Variants in SIX4 observed in about 807,000 individuals in gnomAD.
The protein encoded by SIX4 is homeobox protein SIX4.
Under a neutral mutation model 51.5 loss-of-function variants are expected in SIX4, and 23 were observed. The observed-to-expected ratio is 0.45, with a 90% CI of 0.32 to 0.63. The LOEUF (loss-of-function observed/expected upper bound fraction) is 0.63, where lower values mean the gene tolerates loss of function less well. Among genes scored for constraint, SIX4 ranks in the 30% least tolerant of loss-of-function variants. The pLI is 0.04. For synonymous variants in SIX4, 413 were observed against 417.3 expected (o/e 0.99, Z 0.13); for missense variants, 867 against 984.0 (o/e 0.88, Z 1.59).
chr14:60,718,704 T>C (rs1239609597), intron 2 of SIX4, among the ~76,000 whole-genome samples: 1 of 152,200 alleles, frequency 6.6e-6, no homozygotes, highest in East Asian at 1.9e-4. Flanking sequence ...CCATTTTGCC[T>C]AAAGAAATGC....
chr14:60,709,575 AG>A lies in SIX4; in HGVS notation c.*3831del, dbSNP rs1462506276. The A allele has an allele frequency of 1.3e-5, 2 of 152,686 alleles. No homozygotes were observed. The highest frequency in any genetic ancestry group is 4.8e-5 in the African/African-American group (2 of 41,474). 9.5% of individuals were successfully genotyped at this position (152,686 alleles called of 1,614,324 possible). A position where few individuals can be genotyped will look rare whatever the true frequency, so the allele number is the denominator to read the frequency against. On this transcript the variant is annotated 3_prime_UTR_variant, in exon 3 of 3. Transcript: ENST00000216513. This position sits in a 1 kb window ranked among gnomAD's most constrained non-coding sequence, Gnocchi z 4.1. ...ATAAAGTTTATTTAGCATAGTGTTT[AG>A]AAAAATAAGTTCACATCATTTCAGA...
Position 60,719,894 on chromosome 14 carries a change from A to G in SIX4, c.1415T>C (p.Phe472Ser). ...CTGGTTAATTTGCACTGGTGTAGTA[A>G]AAGTCACTACAGACCCTCCATCTTG... ...ASQDGGSVVT[F>S]TTPVQINQYG... The change falls in exon 2 of 3, where the codon TTT becomes TCT. Residue 472 changes from phenylalanine to serine, a missense_variant. By Grantham distance (155) the Phe-to-Ser change is radical. Coordinates refer to ENST00000216513, the MANE Select transcript of SIX4 (RefSeq NM_017420.5). The surrounding 1 kb of genome is among the most constrained non-coding windows in gnomAD (Gnocchi z 4.9). 6.2e-7 allele frequency: 1 copy of G among 1,614,190 alleles called. No individual in the cohort carries two copies. Among genetic ancestry groups the G allele is most frequent in the Non-Finnish European group, 8.5e-7 (1 of 1,180,028 alleles).
At position 60,713,804 on chromosome 14, in the gene SIX4, T is replaced by A; in HGVS notation, c.1949A>T (p.Lys650Ile). ...SQPMSAPVAS[K>I]STVTSVSNTN... ...GTTGCTGACAGATGTCACAGTAGAT[T>A]TGCTTGCCACCGGTGCAGACATTGG... The change falls in exon 3 of 3, where the codon AAA (lysine) becomes ATA (isoleucine). Residue 650 changes from lysine to isoleucine, a missense_variant. Coordinates refer to ENST00000216513, the MANE Select transcript of SIX4 (RefSeq NM_017420.5). 1 of 1,614,174 alleles carries A rather than the reference T, an allele frequency of 6.2e-7. No homozygotes were observed. The highest frequency in any genetic ancestry group is 1.1e-5 in the South Asian group (1 of 91,068).
chr14:60,723,171 G>T (rs200338620), intron 1 of SIX4, 41 bp downstream of exon 1: 11 of 1,540,832 alleles, frequency 7.1e-6, no homozygotes, highest in Non-Finnish European at 8.7e-6. Context: ...GGAAGGGGGT[G>T]GGGGAGAGGA....
Position 60,719,861 on chromosome 14 carries a change from A to G in SIX4, c.1448T>C (p.Ile483Thr), listed in dbSNP as rs145386126. Residue 483 changes from isoleucine (I) to threonine (T), a missense_variant, in exon 2 of 3, where the codon ATT (isoleucine) becomes ACT (threonine). Ile to Thr is a moderately conservative substitution (Grantham distance 89, BLOSUM62 -1). Transcript: ENST00000216513. This position sits in a 1 kb window ranked among gnomAD's most constrained non-coding sequence, Gnocchi z 4.9. The stretch of plus-strand genomic sequence containing the variant: ...TGCTCCGGAATTGGGGATCTGGACA[A>G]TGCCATACTGGTTAATTTGCACTGG... ...TTPVQINQYG[I>T]VQIPNSGANS... The G allele has an allele frequency of 1.2e-6, 2 of 1,614,208 alleles. No individual in the cohort carries two copies. Among genetic ancestry groups the G allele is most frequent in the Non-Finnish European group, 1.7e-6 (2 of 1,180,036 alleles).
rs1321659296 is a variant in SIX4 at position 60,722,396 on chromosome 14, A to G, written c.863+816T>C. Among the ~76,000 whole-genome samples, 18 of 151,978 alleles carry G rather than the reference A, an allele frequency of 1.2e-4. No individual in the cohort carries two copies. Among genetic ancestry groups the G allele is most frequent in the Admixed American group, 1.2e-3 (18 of 15,268 alleles). On this transcript the variant is annotated intron_variant, in intron 1 of 2. Transcript: ENST00000216513. The surrounding 1 kb of genome is among the most constrained non-coding windows in gnomAD (Gnocchi z 5.9). ...CCGTAAGCCGGCCTGCCCCCCACCC[A>G]TAACTACCGTACCAGGAGGGAGCCA...
chr14:60,724,212 G>C lies in SIX4; in HGVS notation c.-138C>G. On this transcript the variant is annotated 5_prime_UTR_variant, in exon 1 of 3. Coordinates refer to ENST00000216513, the MANE Select transcript of SIX4 (RefSeq NM_017420.5). ...AGCCCACTCCCTCCCTCCTGGTTTC[G>C]GCTGTATCTGGCCGATCAGGTTTCC... 3.2e-6 allele frequency: 5 copies of C among 1,552,562 alleles called. No homozygotes were observed. The South Asian group carries it at 3.5e-5, about 11-fold the overall frequency.
chr14:60,721,267 A>T (rs1398286958), intron 1 of SIX4: 1 of 574,688 alleles, frequency 1.7e-6, no homozygotes, highest in African/African-American at 2.0e-5. Context: ...GACTTGGGAG[A>T]AATACCAAAT....
chr14:60,723,991 C>T lies in SIX4; in HGVS notation c.84G>A (p.Gly28=), dbSNP rs1433303891. The change falls in exon 1 of 3, where the codon GGG becomes GGA. Residue 28 remains glycine, a synonymous_variant. Transcript: ENST00000216513. The part of the protein sequence containing the change: ...QENGMESASE[G]QEAHREVAGG... ...CCGCCACTTCTCGGTGCGCCTCCTG[C>T]CCTTCCGAGGCGCTTTCCATCCCAT... is the stretch of plus-strand genomic sequence containing the variant. The T allele has an allele frequency of 6.6e-7, 1 of 1,517,466 alleles. No individual in the cohort carries two copies. Among genetic ancestry groups the T allele is most frequent in the Non-Finnish European group, 8.8e-7 (1 of 1,136,350 alleles). The allele number at this position is 1,517,466 out of a possible 1,614,324, so 94.0% of individuals were successfully genotyped here. A position where few individuals can be genotyped will look rare whatever the true frequency, so the allele number is the denominator to read the frequency against.
intron 1 of SIX4, among the ~76,000 whole-genome samples, chr14:60,721,616 TG>T (rs1206409673): frequency 4.9e-5 from 1 of 20,584 alleles, no homozygotes; most frequent in Non-Finnish European, 9.6e-5. Flanking sequence ...GGCGGCGGGG[TG>T]GGTGTGGAGT....
Position 60,713,990 on chromosome 14 carries a change from G to A in SIX4, c.1763C>T (p.Ala588Val), listed in dbSNP as rs1895871804. ...AGAAGACAGGTTTGCATTTACTTGTGCATTCTGATTGACAGGCATCAACTG... is the reference window on the plus strand; with the variant it reads ...AGAAGACAGGTTTGCATTTACTTGTACATTCTGATTGACAGGCATCAACTG... ...FSQLMPVNQNAQVNANLSSEN... is the reference protein window; with the variant it reads ...FSQLMPVNQNVQVNANLSSEN... Residue 588 changes from alanine to valine, a missense_variant, in exon 3 of 3, where the codon GCA becomes GTA. Ala to Val is a moderately conservative substitution (Grantham distance 64). Coordinates refer to ENST00000216513, the MANE Select transcript of SIX4 (RefSeq NM_017420.5). 6.2e-7 allele frequency: 1 copy of A among 1,613,972 alleles called. No homozygotes were observed. Among genetic ancestry groups the A allele is most frequent in the Non-Finnish European group, 8.5e-7 (1 of 1,180,014 alleles).
Position 60,711,935 on chromosome 14 carries a change from T to TA in SIX4, c.*1471dup, listed in dbSNP as rs1209537099. On this transcript the variant is annotated 3_prime_UTR_variant, in exon 3 of 3. Transcript: ENST00000216513. Reference sequence around the variant, plus strand: ...CACTACATAAATTTATTTGCATTGTTACATCTTGTGTTCAGAGTCTTGATA... The same window carrying TA: ...CACTACATAAATTTATTTGCATTGTTAACATCTTGTGTTCAGAGTCTTGATA... The TA allele has an allele frequency of 6.5e-6, 1 of 152,684 alleles. No individual in the cohort carries two copies. The highest frequency in any genetic ancestry group is 2.4e-5 in the African/African-American group (1 of 41,476). 9.5% of individuals were successfully genotyped at this position (152,684 alleles called of 1,614,324 possible). A position where few individuals can be genotyped will look rare whatever the true frequency, so the allele number is the denominator to read the frequency against.
rs1895943650 is a variant in SIX4, at chr14:60,717,785, T to C, written c.1549+1975A>G. The stretch of plus-strand genomic sequence containing the variant: ...CTGTAATCCCAGCACTTTGGGAGGC[T>C]GAGGTGAGCAGATCACAGGAGTTCA... On this transcript the variant is annotated intron_variant, in intron 2 of 2. Transcript: ENST00000216513. This position sits in a 1 kb window ranked among gnomAD's most constrained non-coding sequence, Gnocchi z 4.6. Among the ~76,000 whole-genome samples, 1 of 152,014 alleles carries C rather than the reference T, an allele frequency of 6.6e-6. No homozygotes were observed.
At chr14:60,718,016 TA>T in intron 2 of SIX4, 1 of 181,494 alleles carries the variant, frequency 5.5e-6, no homozygotes, top group Non-Finnish European at 1.1e-5. Flanking sequence ...CGCCTAAAAA[TA>T]ATAATAATAA....
chr14:60,718,486 T>G (rs1460066179), intron 2 of SIX4, among the ~76,000 whole-genome samples: 1 of 152,238 alleles, frequency 6.6e-6, no homozygotes, highest in Non-Finnish European at 1.5e-5. Flanking sequence ...TGCTCAAATT[T>G]GTTGCCTTTA....
rs371795454 is a variant in SIX4 at position 60,711,800 on chromosome 14, G to C, written c.*1607C>G. The C allele has an allele frequency of 8.4e-6, 1 of 118,482 alleles. No individual in the cohort carries two copies. The highest frequency in any genetic ancestry group is 2.7e-4 in the South Asian group (1 of 3,718). 7.3% of individuals were successfully genotyped at this position (118,482 alleles called of 1,614,324 possible). A position where few individuals can be genotyped will look rare whatever the true frequency, so the allele number is the denominator to read the frequency against. On this transcript the variant is annotated 3_prime_UTR_variant, in exon 3 of 3. Coordinates refer to ENST00000216513, the MANE Select transcript of SIX4 (RefSeq NM_017420.5). Reference sequence around the variant, plus strand: ...ACTCCATCTCAAAAAAAAAAAAAAAGCAAGATGTGCTAACATCTAACACCT... The same window carrying C: ...ACTCCATCTCAAAAAAAAAAAAAAACCAAGATGTGCTAACATCTAACACCT...
chr14:60,719,655 G>A lies in SIX4; in HGVS notation c.1549+105C>T, dbSNP rs1323702237. 1 of 1,150,402 alleles carries A rather than the reference G, an allele frequency of 8.7e-7. No homozygotes were observed. The highest frequency in any genetic ancestry group is 1.2e-6 in the Non-Finnish European group (1 of 814,110). 71.3% of individuals were successfully genotyped at this position (1,150,402 alleles called of 1,614,324 possible). ...CTCTACAGCTTCGGCAGCTAATAAGGTACCTGAACAGAAACATCAATCTAT... is the reference window on the plus strand; with the variant it reads ...CTCTACAGCTTCGGCAGCTAATAAGATACCTGAACAGAAACATCAATCTAT... On this transcript the variant is annotated intron_variant, in intron 2 of 2. Coordinates refer to ENST00000216513, the MANE Select transcript of SIX4 (RefSeq NM_017420.5). This position sits in a 1 kb window ranked among gnomAD's most constrained non-coding sequence, Gnocchi z 4.9.
At position 60,720,725 on chromosome 14, in the gene SIX4, GAGA is replaced by G. The variant is rs972414260; in HGVS notation, c.864-283_864-281del. 1.2e-4 allele frequency among the ~76,000 whole-genome samples: 19 copies of G among 152,274 alleles called. No homozygotes were observed. The highest frequency in any genetic ancestry group is 4.3e-4 in the African/African-American group (18 of 41,548). On this transcript the variant is annotated intron_variant, in intron 1 of 2. Transcript: ENST00000216513. This position sits in a 1 kb window ranked among gnomAD's most constrained non-coding sequence, Gnocchi z 5.5. ...GCAAGATGTAAATTCAGCATTACAG[GAGA>G]AGAACATATTTGATTTTACAGTGTA...
Position 60,720,459 on chromosome 14 carries a change from G to A in SIX4, c.864-14C>T. On this transcript the variant is annotated splice_polypyrimidine_tract_variant and intron_variant, in intron 1 of 2. Transcript: ENST00000216513. This position sits in a 1 kb window ranked among gnomAD's most constrained non-coding sequence, Gnocchi z 5.5. ...CCATCTGACTCACTGTATGGAGGGG[G>A]AAATCAAAATGTTCAGAAGGTCAGG... is the stretch of plus-strand genomic sequence containing the variant. The A allele has an allele frequency of 6.2e-7, 1 of 1,601,722 alleles. No homozygotes were observed. The highest frequency in any genetic ancestry group is 8.5e-7 in the Non-Finnish European group (1 of 1,174,396).
Sources: allele counts gnomAD v4.1 joint callset (sites outside exome capture counted in the v4.1 genomes callset), GRCh38; gene constraint gnomAD v4.1.1; non-coding constraint Gnocchi (gnomAD v3.1); transcripts MANE v1.5; gene names NCBI Gene and HGNC (gene_info 2026-07-23, HGNC 2026-07-21).